LYRM7: variants seen among roughly 807,000 people sequenced by gnomAD.
The protein encoded by LYRM7 is complex III assembly factor LYRM7.
Under a neutral mutation model 15.8 loss-of-function variants are expected in LYRM7, and 9 were observed. That is an observed-to-expected ratio of 0.57 (90% CI 0.34 to 0.99). The LOEUF is 0.99. Among genes scored for constraint, LYRM7 ranks in the 50% least tolerant of loss-of-function variants. LYRM7 has a pLI of 0.02. For missense variants in LYRM7, 115 were observed against 119.1 expected, an observed-to-expected ratio of 0.97 and a Z score of 0.16; for synonymous variants, 39 against 39.4, an observed-to-expected ratio of 0.99 and a Z score of 0.04.
chr5:131,187,158 A>T, intron 4 of LYRM7, 49 bp downstream of exon 4: 1 of 1,026,786 alleles, frequency 9.7e-7, no homozygotes, highest in Non-Finnish European at 1.5e-6. Context: ...GTGTTTTAAA[A>T]TATTGAATAA....
At chr5:131,178,820 G>C (rs1239748943) in intron 1 of LYRM7, among the ~76,000 whole-genome samples, 1 of 152,014 alleles carries the variant, frequency 6.6e-6, no homozygotes. Flanking sequence ...AAATTAGCTG[G>C]GCGTGGTGGC....
intron 1 of LYRM7, 122 bp downstream of exon 1, chr5:131,171,160 G>A: frequency 9.4e-7 from 1 of 1,065,234 alleles, no homozygotes; most frequent in South Asian, 2.0e-5. Flanking sequence ...GGATGTGGCT[G>A]TTACCCCAGA....
intron 2 of LYRM7, among the ~76,000 whole-genome samples, chr5:131,181,379 ATAATATATACATATATAT>A (rs1335621411): frequency 0.046 from 4,699 of 101,922 alleles, 642 homozygotes; most frequent in African/African-American, 0.18. Flanking sequence ...ATATGTATAT[ATAATATATACATATATAT>A]TATATATACA....
intron 1 of LYRM7, 57 bp downstream of exon 1, chr5:131,171,095 C>T: frequency 6.8e-7 from 1 of 1,468,106 alleles, no homozygotes; most frequent in Non-Finnish European, 9.0e-7. Flanking sequence ...ATGTTCGCGT[C>T]CTTGAGAAAA....
rs1025071656 is a variant in LYRM7, at chr5:131,201,359, T to G, written c.*1758T>G. ...AAGGAAAAAGGAAAAAAAAAAGATA[T>G]ATTGATACAGATAGGTAGATATGAT... On this transcript the variant is annotated 3_prime_UTR_variant, in exon 5 of 5. Coordinates refer to ENST00000379380, the MANE Select transcript of LYRM7 (RefSeq NM_181705.4). The G allele has an allele frequency of 6.7e-6, 1 of 149,870 alleles. No homozygotes were observed. The highest frequency in any genetic ancestry group is 2.5e-5 in the African/African-American group (1 of 40,670). The allele number at this position is 149,870 out of a possible 1,614,324, so 9.3% of individuals were successfully genotyped here. A position where few individuals can be genotyped will look rare whatever the true frequency, so the allele number is the denominator to read the frequency against.
At chr5:131,186,189 GT>G (rs1238537644) in intron 3 of LYRM7, among the ~76,000 whole-genome samples, 1 of 152,162 alleles carries the variant, frequency 6.6e-6, no homozygotes, top group Non-Finnish European at 1.5e-5. Context: ...CTCAAAGAGA[GT>G]AGGTGATTAA....
rs2149668814 is a variant in LYRM7 at position 131,204,043 on chromosome 5, A to G, written c.*4442A>G. 6.6e-6 allele frequency: 1 copy of G among 152,172 alleles called. No homozygotes were observed. The highest frequency in any genetic ancestry group is 2.1e-4 in the South Asian group (1 of 4,822). The allele number at this position is 152,172 out of a possible 1,614,324, so 9.4% of individuals were successfully genotyped here. A position where few individuals can be genotyped will look rare whatever the true frequency, so the allele number is the denominator to read the frequency against. On this transcript the variant is annotated 3_prime_UTR_variant, in exon 5 of 5. Coordinates refer to ENST00000379380, the MANE Select transcript of LYRM7 (RefSeq NM_181705.4). Reference sequence around the variant, plus strand: ...TTAAAGGTTGTAAGACTATAAGGAAATAGCCACTGTCATATCATTTTTAAA... The same window carrying G: ...TTAAAGGTTGTAAGACTATAAGGAAGTAGCCACTGTCATATCATTTTTAAA...
intron 2 of LYRM7, among the ~76,000 whole-genome samples, chr5:131,181,162 A>G (rs1291593298): frequency 1.4e-5 from 2 of 147,058 alleles, no homozygotes; most frequent in Non-Finnish European, 3.0e-5. Context: ...ATGGTGGCAC[A>G]CACCTGTAAT....
intron 1 of LYRM7, 97 bp downstream of exon 1, chr5:131,171,135 C>A: frequency 7.9e-7 from 1 of 1,268,990 alleles, no homozygotes; most frequent in East Asian, 3.0e-5. Flanking sequence ...GCTGGGGCTC[C>A]TGACCCTTTA....
At chr5:131,189,773 T>C (rs1755856474) in intron 4 of LYRM7, among the ~76,000 whole-genome samples, 2 of 152,210 alleles carry the variant, frequency 1.3e-5, no homozygotes, top group African/African-American at 4.8e-5. Flanking sequence ...TAGATCTTCC[T>C]ACCTGGTAGT....
At chr5:131,182,185 T>C (rs750405795) in intron 2 of LYRM7, 44 bp from the exon 3 acceptor site, 3 of 1,340,802 alleles carry the variant, frequency 2.2e-6, no homozygotes, top group East Asian at 2.9e-5. Flanking sequence ...ATAGGAATTA[T>C]AGATTACAAA....
At chr5:131,192,571 G>C (rs1465579872) in intron 4 of LYRM7, among the ~76,000 whole-genome samples, 1 of 151,798 alleles carries the variant, frequency 6.6e-6, no homozygotes, top group Non-Finnish European at 1.5e-5. Context: ...AATAATAAAA[G>C]GAAAACATTT....
chr5:131,178,835 G>A (rs568500132), intron 1 of LYRM7, among the ~76,000 whole-genome samples: 356 of 152,058 alleles, frequency 2.3e-3, no homozygotes, highest in Non-Finnish European at 4.2e-3. Flanking sequence ...GGTGGCACAC[G>A]CCTGTAATCT....
intron 4 of LYRM7, among the ~76,000 whole-genome samples, chr5:131,198,979 G>A (rs1756015609): frequency 6.6e-6 from 1 of 152,010 alleles, no homozygotes; most frequent in African/African-American, 2.4e-5. Context: ...GGGCACTATT[G>A]GCATTTTTGA....
intron 4 of LYRM7, among the ~76,000 whole-genome samples, chr5:131,193,000 A>G (rs1755909267): frequency 6.6e-6 from 1 of 152,142 alleles, no homozygotes; most frequent in Admixed American, 6.5e-5. Context: ...ACTTCGGGTC[A>G]TTATTTTTTA....
At chr5:131,171,418 A>C (rs1037720330) in intron 1 of LYRM7, among the ~76,000 whole-genome samples, 3 of 152,152 alleles carry the variant, frequency 2.0e-5, no homozygotes, top group African/African-American at 7.2e-5. Context: ...CAGCAGTTCA[A>C]TGAGGTGAAA....
At position 131,204,973 on chromosome 5, in the gene LYRM7, T is replaced by A. The variant is rs1206230924; in HGVS notation, c.*5372T>A. The A allele has an allele frequency of 1.3e-5, 2 of 152,306 alleles. No homozygotes were observed. The highest frequency in any genetic ancestry group is 3.8e-4 in the East Asian group (2 of 5,324). 9.4% of individuals were successfully genotyped at this position (152,306 alleles called of 1,614,324 possible). A position where few individuals can be genotyped will look rare whatever the true frequency, so the allele number is the denominator to read the frequency against. On this transcript the variant is annotated 3_prime_UTR_variant, in exon 5 of 5. Coordinates refer to ENST00000379380, the MANE Select transcript of LYRM7 (RefSeq NM_181705.4). ...TACAGTGAGTATATCAACATGTAAG[T>A]GTTAAAAGACAATAAGCTACTAGTG...
chr5:131,181,406 CAT>C (rs1446354674), intron 2 of LYRM7, among the ~76,000 whole-genome samples: 14 of 82,072 alleles, frequency 1.7e-4, no homozygotes, highest in Admixed American at 1.3e-3. Flanking sequence ...ATTATATATA[CAT>C]ATATATGTTT....
intron 3 of LYRM7, among the ~76,000 whole-genome samples, chr5:131,183,756 C>T (rs1479909319): frequency 6.6e-6 from 1 of 152,138 alleles, no homozygotes; most frequent in Admixed American, 6.6e-5. Context: ...AGAACCTTTA[C>T]ACTCTTACAA....
Sources: allele counts gnomAD v4.1 joint callset (sites outside exome capture counted in the v4.1 genomes callset), GRCh38; gene constraint gnomAD v4.1.1; transcripts MANE v1.5; gene names NCBI Gene and HGNC (gene_info 2026-07-23, HGNC 2026-07-21).